The following CNTN1 variants were observed in gnomAD, a reference collection of about 807,000 sequenced individuals.
The protein encoded by CNTN1 is contactin-1.
Under a neutral mutation model 126.4 loss-of-function variants are expected in CNTN1, and 38 were observed. The ratio of observed to expected loss-of-function variants is 0.30; its 90% CI spans 0.23 to 0.39. CNTN1 has a LOEUF of 0.39. Among genes scored for constraint, CNTN1 ranks in the 10% least tolerant of loss-of-function variants. The pLI is 1.00. For synonymous variants in CNTN1, 413 were observed against 422.6 expected (o/e 0.98, Z 0.28); for missense variants, 1,009 against 1,248.4 (o/e 0.81, Z 2.89).
chr12:40,785,283 A>G (rs1745341490), intron 1 of CNTN1, among the ~76,000 whole-genome samples: 1 of 152,174 alleles, frequency 6.6e-6, no homozygotes. Context: ...TACAGGAAGC[A>G]TGGTGCCAGC....
chr12:40,888,531 A>G (rs185762117), intron 1 of CNTN1, among the ~76,000 whole-genome samples: 1 of 152,348 alleles, frequency 6.6e-6, no homozygotes, highest in Admixed American at 6.5e-5. Flanking sequence ...TTCTGTAAAC[A>G]TAAATATAAA....
In CNTN1 at chr12:40,939,442, T is replaced by C. The variant is rs770743185; in HGVS notation, c.1336T>C (p.Phe446Leu). 1.1e-5 allele frequency: 18 copies of C among 1,613,860 alleles called. No homozygotes were observed. The highest frequency in any genetic ancestry group is 1.5e-5 in the Non-Finnish European group (18 of 1,179,936). ...ACCTAAAGCTGCACCGAAACCAAAG[T>C]TTTCATGGAGTAAAGGGACAGAGTG... Reference protein sequence around the residue: ...CKPKAAPKPKFSWSKGTEWLV... With the variant: ...CKPKAAPKPKLSWSKGTEWLV... Residue 446 changes from phenylalanine (F) to leucine (L), a missense_variant, in exon 12 of 24, where the codon TTT becomes CTT. Transcript: ENST00000551295.
intron 1 of CNTN1, among the ~76,000 whole-genome samples, chr12:40,809,065 T>C (rs1248687891): frequency 1.3e-5 from 2 of 152,218 alleles, no homozygotes; most frequent in Non-Finnish European, 2.9e-5. Context: ...AAATTAGGAA[T>C]TTTATTACCT....
At chr12:40,730,277 G>T (rs761124608) in intron 1 of CNTN1, among the ~76,000 whole-genome samples, 29 of 152,250 alleles carry the variant, frequency 1.9e-4, no homozygotes, top group Non-Finnish European at 4.0e-4. Flanking sequence ...TAGTTGGTCA[G>T]AAATGGGAGG....
chr12:40,788,798 G>A (rs1202740812), intron 1 of CNTN1, among the ~76,000 whole-genome samples: 2 of 152,214 alleles, frequency 1.3e-5, no homozygotes, highest in East Asian at 1.9e-4. Context: ...CACTAGTAAA[G>A]CTTCTCTTTC....
chr12:40,964,140 C>T lies in CNTN1; in HGVS notation c.1804+4906C>T, dbSNP rs141329722. On this transcript the variant is annotated intron_variant, in intron 15 of 23. Transcript: ENST00000551295. The stretch of plus-strand genomic sequence containing the variant: ...AACACTTTCCTGCCACCTGGGTGAA[C>T]AAAACATGTTTGCCACTGAAATTGC... 1.4e-3 allele frequency among the ~76,000 whole-genome samples: 215 copies of T among 152,120 alleles called. 1 individual carries two copies. The highest frequency in any genetic ancestry group is 5.1e-3 in the African/African-American group (211 of 41,518).
intron 17 of CNTN1, among the ~76,000 whole-genome samples, chr12:41,009,276 G>T (rs779282406): frequency 1.3e-5 from 2 of 152,310 alleles, no homozygotes; most frequent in Non-Finnish European, 2.9e-5. Context: ...GATATTTAAG[G>T]AGCCTGCTGT....
chr12:40,764,255 A>G (rs1024729844), intron 1 of CNTN1, among the ~76,000 whole-genome samples: 24 of 152,226 alleles, frequency 1.6e-4, no homozygotes, highest in African/African-American at 5.1e-4. Flanking sequence ...GCAGGCAAGG[A>G]AGACTTTATT....
chr12:40,981,988 T>A (rs1348103891), intron 16 of CNTN1, among the ~76,000 whole-genome samples: 1 of 152,100 alleles, frequency 6.6e-6, no homozygotes, highest in Non-Finnish European at 1.5e-5. Context: ...CATTTTAGAT[T>A]TATCTTAACA....
intron 1 of CNTN1, among the ~76,000 whole-genome samples, chr12:40,758,562 GCATCC>G (rs1938703741): frequency 6.6e-6 from 1 of 151,906 alleles, no homozygotes; most frequent in Non-Finnish European, 1.5e-5. Flanking sequence ...GTAATATTTT[GCATCC>G]CAGCAAACTG....
At chr12:40,960,223 T>C (rs1947057768) in intron 15 of CNTN1, among the ~76,000 whole-genome samples, 1 of 151,918 alleles carries the variant, frequency 6.6e-6, no homozygotes, top group South Asian at 2.1e-4. Flanking sequence ...AATTCATATA[T>C]GTTTTTTTTT....
At chr12:40,979,649 T>G (rs1428536792) in intron 15 of CNTN1, among the ~76,000 whole-genome samples, 1 of 152,146 alleles carries the variant, frequency 6.6e-6, no homozygotes, top group Non-Finnish European at 1.5e-5. Flanking sequence ...TACTAGGAGC[T>G]GTCTATTAAC....
At chr12:40,872,202 G>A (rs994410101) in intron 1 of CNTN1, among the ~76,000 whole-genome samples, 6 of 131,710 alleles carry the variant, frequency 4.6e-5, no homozygotes, top group East Asian at 2.1e-4. Flanking sequence ...GGGTTTTTCC[G>A]TTGCTTTGTT....
At chr12:40,835,858 A>G (rs1454666919) in intron 1 of CNTN1, among the ~76,000 whole-genome samples, 1 of 151,406 alleles carries the variant, frequency 6.6e-6, no homozygotes, top group Non-Finnish European at 1.5e-5. Context: ...GCAATTTCCT[A>G]AAGAACCAGA....
chr12:40,720,409 G>GGTGTGTGT (rs10636043), intron 1 of CNTN1, among the ~76,000 whole-genome samples: 4 of 149,060 alleles, frequency 2.7e-5, no homozygotes, highest in Non-Finnish European at 6.0e-5. Flanking sequence ...ATCTCAAAGG[G>GGTGTGTGT]GTGTGTGTGT....
chr12:40,939,810 T>C (rs1696007500), intron 12 of CNTN1, among the ~76,000 whole-genome samples: 1 of 152,186 alleles, frequency 6.6e-6, no homozygotes, highest in African/African-American at 2.4e-5. Context: ...CTCTCTAACA[T>C]ATTTTTCCCC....
chr12:40,842,160 G>A (rs1942309914), intron 1 of CNTN1, among the ~76,000 whole-genome samples: 1 of 152,030 alleles, frequency 6.6e-6, no homozygotes, highest in South Asian at 2.1e-4. Flanking sequence ...AGTGCCATTT[G>A]AGGAAATACG....
intron 1 of CNTN1, among the ~76,000 whole-genome samples, chr12:40,703,262 T>C (rs1043485525): frequency 1.1e-4 from 16 of 152,112 alleles, no homozygotes; most frequent in African/African-American, 3.4e-4. Context: ...AAACATAACA[T>C]TTGGTATTTC....
intron 1 of CNTN1, among the ~76,000 whole-genome samples, chr12:40,847,152 G>A (rs888460600): frequency 1.3e-5 from 2 of 152,030 alleles, no homozygotes; most frequent in African/African-American, 4.8e-5. Flanking sequence ...AGGCGTGAGC[G>A]ACTGTGCCTG....
Sources: gnomAD v4.1 joint callset for allele counts (sites outside exome capture counted in the v4.1 genomes callset) on GRCh38, gnomAD v4.1.1 for gene constraint, MANE v1.5 for transcripts, NCBI Gene and HGNC (gene_info 2026-07-23, HGNC 2026-07-21) for gene names.